The following NEURL3 variants were observed in gnomAD, a reference collection of about 807,000 sequenced individuals.
NEURL3 encodes the protein neuralized E3 ubiquitin protein ligase 3.
A neutral mutation model predicts 17.6 loss-of-function variants in NEURL3; 19 were observed. The ratio of observed to expected loss-of-function variants is 1.08; its 90% confidence interval spans 0.75 to 1.58. The LOEUF (loss-of-function observed/expected upper bound fraction) is 1.58, where lower values mean the gene tolerates loss of function less well. NEURL3 is among the 40% of genes most tolerant of loss of function. The pLI, the probability that NEURL3 is intolerant of heterozygous loss-of-function variation, is 0.00. For synonymous variants in NEURL3, 180 were observed against 161.4 expected (o/e 1.11, Z -0.87); for missense variants, 342 against 379.6 (o/e 0.90, Z 0.82).
chr2:96,507,903 A>T (rs890216463), upstream of NEURL3: 3 of 152,268 alleles, frequency 2.0e-5, no homozygotes, highest in African/African-American at 7.2e-5. Flanking sequence ...TGTTCAGCTC[A>T]CTAGGCATGA....
At chr2:96,502,186 G>A (rs553017602) in intron 1 of NEURL3, among the ~76,000 whole-genome samples, 12 of 152,258 alleles carry the variant, frequency 7.9e-5, no homozygotes, top group Admixed American at 5.9e-4. Context: ...CCTCGCCTGC[G>A]CCCCGCCCGT....
intron 2 of NEURL3, 155 bp downstream of exon 2, chr2:96,500,284 G>C (rs1385760819): frequency 9.3e-7 from 1 of 1,076,214 alleles, no homozygotes; most frequent in East Asian, 2.6e-5. Context: ...TTGTCTATCT[G>C]GCGTCTCCAG....
intron 1 of NEURL3, among the ~76,000 whole-genome samples, chr2:96,503,884 G>T (rs917356343): frequency 6.6e-6 from 1 of 152,228 alleles, no homozygotes; most frequent in Non-Finnish European, 1.5e-5. Context: ...CTGGCACAGG[G>T]TTCAGATCAT....
At chr2:96,505,491 C>T, upstream of NEURL3, 1 of 609,980 alleles carries the variant, frequency 1.6e-6, no homozygotes, top group Non-Finnish European at 2.9e-6. Context: ...CGCAGACTGA[C>T]CTGCTGGAGC....
Position 96,505,253 on chromosome 2 carries a change from A to G in NEURL3, c.28+6T>C, listed in dbSNP as rs1247060969. ...CAAGCTCCAGGCTTGCAGGAGGTCT[A>G]CTTACTGGCCTCGAAGCAGAGCTGG... On this transcript the variant is annotated splice_donor_region_variant and intron_variant, in intron 1 of 3. Transcript: ENST00000451794. 2 of 1,599,222 alleles carry G rather than the reference A, an allele frequency of 1.3e-6. No individual in the cohort carries two copies. Among genetic ancestry groups the G allele is most frequent in the South Asian group, 2.2e-5 (2 of 91,082 alleles).
upstream of NEURL3, among the ~76,000 whole-genome samples, chr2:96,506,971 C>T (rs1375406109): frequency 1.3e-5 from 2 of 152,216 alleles, no homozygotes; most frequent in Non-Finnish European, 2.9e-5. Flanking sequence ...ACCCGCCACA[C>T]ACTCTGTGTT....
intron 2 of NEURL3, chr2:96,499,937 A>G: frequency 5.4e-6 from 1 of 184,624 alleles, no homozygotes; most frequent in Non-Finnish European, 1.1e-5. Context: ...ATTTCTTGTT[A>G]TGGGTATTAC....
In NEURL3 at chr2:96,498,037, AAG is replaced by A. The variant is rs1280712852; in HGVS notation, c.*205_*206del. ...GAAGGATAGTTCTGGCATGGACAGAAAGAGGGGTTTTTCCTTGCTATCCTGTT... is the reference window on the plus strand; with the variant it reads ...GAAGGATAGTTCTGGCATGGACAGAAAGGGGTTTTTCCTTGCTATCCTGTT... On this transcript the variant is annotated 3_prime_UTR_variant, in exon 4 of 4. Transcript: ENST00000451794. The surrounding 1 kb of genome is among the most constrained non-coding windows in gnomAD (Gnocchi z 4.4). 10 of 586,374 alleles carry A rather than the reference AAG, an allele frequency of 1.7e-5. No homozygotes were observed. Among genetic ancestry groups the A allele is most frequent in the East Asian group, 2.9e-5 (1 of 34,576 alleles). The allele number at this position is 586,374 out of a possible 1,614,324, so 36.3% of individuals were successfully genotyped here. A position where few individuals can be genotyped will look rare whatever the true frequency, so the allele number is the denominator to read the frequency against.
intron 1 of NEURL3, among the ~76,000 whole-genome samples, chr2:96,501,510 C>T (rs1426929354): frequency 1.3e-5 from 2 of 152,020 alleles, no homozygotes; most frequent in Admixed American, 6.6e-5. Context: ...GACCATGGCC[C>T]CCAGCAATGG....
At chr2:96,504,971 G>A (rs182561217) in intron 1 of NEURL3, among the ~76,000 whole-genome samples, 2 of 151,736 alleles carry the variant, frequency 1.3e-5, no homozygotes, top group East Asian at 1.9e-4. Flanking sequence ...GGTGAGGCTT[G>A]CAGAGAACCT....
At chr2:96,501,062 G>T in intron 1 of NEURL3, 138 bp from the exon 2 acceptor site, 4 of 1,059,210 alleles carry the variant, frequency 3.8e-6, no homozygotes, top group Non-Finnish European at 5.2e-6. Context: ...CACCTCTCTC[G>T]GTTCCTGCAG....
upstream of NEURL3, among the ~76,000 whole-genome samples, chr2:96,506,896 G>A (rs1030953256): frequency 6.6e-6 from 1 of 152,142 alleles, no homozygotes. Context: ...CAGCTGGGGG[G>A]CAGAGGAGGT....
chr2:96,507,195 T>C (rs1443117107), upstream of NEURL3, among the ~76,000 whole-genome samples: 1 of 152,102 alleles, frequency 6.6e-6, no homozygotes, highest in Non-Finnish European at 1.5e-5. Flanking sequence ...CTCTCCCCGG[T>C]TTATTACCCC....
chr2:96,502,505 T>G (rs1207862974), intron 1 of NEURL3, among the ~76,000 whole-genome samples: 1 of 152,198 alleles, frequency 6.6e-6, no homozygotes, highest in African/African-American at 2.4e-5. Context: ...GGCAGTGAAG[T>G]GCATGTCCAG....
rs1442324909 is a variant in NEURL3 at position 96,500,614 on chromosome 2, A to G, written c.339T>C (p.Pro113=). 2.6e-6 allele frequency: 4 copies of G among 1,521,548 alleles called. No individual in the cohort carries two copies. The highest frequency in any genetic ancestry group is 3.5e-6 in the Non-Finnish European group (4 of 1,141,420). 94.3% of individuals were successfully genotyped at this position (1,521,548 alleles called of 1,614,324 possible). Residue 113 remains proline, a synonymous_variant, in exon 2 of 4, where the codon CCT becomes CCC. Transcript: ENST00000451794. ...EQSPTWAAVL[P]EGCALTGDLV... ...AGTCCCCAGTGAGCGCGCAGCCCTC[A>G]GGCAGCACGGCCGCCCACGTCGGGC...
At chr2:96,507,240 C>A (rs1357090324), upstream of NEURL3, among the ~76,000 whole-genome samples, 2 of 152,188 alleles carry the variant, frequency 1.3e-5, no homozygotes, top group East Asian at 3.8e-4. Flanking sequence ...CCACGATGCC[C>A]ACTCTTCATG....
Position 96,503,703 on chromosome 2 carries a change from C to T in NEURL3, c.28+1556G>A, listed in dbSNP as rs192528962. The stretch of plus-strand genomic sequence containing the variant: ...CTGGAGCAGGGTCGGGGTGGCCTGA[C>T]GGGTGTGATCACCACCTCCACTCCA... On this transcript the variant is annotated intron_variant, in intron 1 of 3. Transcript: ENST00000451794. 5.8e-4 allele frequency among the ~76,000 whole-genome samples: 88 copies of T among 152,288 alleles called. 1 individual carries two copies. Among genetic ancestry groups the T allele is most frequent in the African/African-American group, 1.3e-3 (54 of 41,558 alleles).
chr2:96,501,136 T>C (rs2065503925), intron 1 of NEURL3, among the ~76,000 whole-genome samples: 1 of 152,162 alleles, frequency 6.6e-6, no homozygotes, highest in Non-Finnish European at 1.5e-5. Flanking sequence ...AATCTAGTAA[T>C]GGTTATTATT....
chr2:96,499,635 C>T (rs577683462), intron 2 of NEURL3, among the ~76,000 whole-genome samples, 186 bp from the exon 3 acceptor site: 11 of 152,276 alleles, frequency 7.2e-5, no homozygotes, highest in Non-Finnish European at 7.4e-5. Flanking sequence ...GCTGAGAATC[C>T]GAGAATCCTT....
Sources: gnomAD v4.1 joint callset for allele counts (sites outside exome capture counted in the v4.1 genomes callset) on GRCh38, gnomAD v4.1.1 for gene constraint, Gnocchi (gnomAD v3.1) non-coding constraint, MANE v1.5 for transcripts, NCBI Gene and HGNC (gene_info 2026-07-23, HGNC 2026-07-21) for gene names.